Variants in CNTN3 observed in about 807,000 individuals in gnomAD.
The protein encoded by CNTN3 is contactin-3.
A neutral mutation model predicts 119.1 loss-of-function variants in CNTN3; 60 were observed. That is an observed-to-expected ratio of 0.50 (90% CI 0.41 to 0.62). CNTN3 has a LOEUF of 0.62. Ranked by LOEUF, CNTN3 falls within the 20% of genes least tolerant of loss-of-function variation. The pLI, the probability that CNTN3 is intolerant of heterozygous loss-of-function variation, is 0.00. For synonymous variants in CNTN3, 450 were observed against 438.7 expected (o/e 1.03, Z -0.32); for missense variants, 1,101 against 1,242.4 (o/e 0.89, Z 1.71).
At chr3:74,604,703 G>A (rs1350533016) in intron 1 of CNTN3, among the ~76,000 whole-genome samples, 1 of 152,044 alleles carries the variant, frequency 6.6e-6, no homozygotes, top group East Asian at 1.9e-4. Flanking sequence ...CTGACAGAGG[G>A]AATGTCAATT....
At chr3:74,511,938 G>T (rs1220178277) in intron 2 of CNTN3, among the ~76,000 whole-genome samples, 1 of 152,106 alleles carries the variant, frequency 6.6e-6, no homozygotes, top group Admixed American at 6.6e-5. Flanking sequence ...AGGAGGAACA[G>T]TGACTCTGGA....
chr3:74,430,204 G>T (rs1701760436), intron 4 of CNTN3, among the ~76,000 whole-genome samples: 1 of 152,124 alleles, frequency 6.6e-6, no homozygotes, highest in Admixed American at 6.5e-5. Context: ...AGTTCGCAGA[G>T]TTTTATGTCT....
Position 74,361,889 on chromosome 3 carries a change from C to T in CNTN3, c.1364+1G>A, listed in dbSNP as rs1449654506. Reference sequence around the variant, plus strand: ...GACCACTTTTCTGGACATCAAAATACCTTTCATGCTCCTGCACGCTCACAT... The same window carrying T: ...GACCACTTTTCTGGACATCAAAATATCTTTCATGCTCCTGCACGCTCACAT... On this transcript the variant is annotated splice_donor_variant, in intron 11 of 22. Coordinates refer to ENST00000263665, the MANE Select transcript of CNTN3 (RefSeq NM_020872.3). LOFTEE classifies it high-confidence loss of function. 6.2e-7 allele frequency: 1 copy of T among 1,603,460 alleles called. No individual in the cohort carries two copies. Among genetic ancestry groups the T allele is most frequent in the African/African-American group, 1.3e-5 (1 of 74,494 alleles).
At chr3:74,343,785 C>A (rs1703607224) in intron 11 of CNTN3, among the ~76,000 whole-genome samples, 1 of 152,180 alleles carries the variant, frequency 6.6e-6, no homozygotes, top group Non-Finnish European at 1.5e-5. Context: ...CACTGCCGGG[C>A]CCACCATCAG....
intron 2 of CNTN3, among the ~76,000 whole-genome samples, chr3:74,513,578 C>T (rs545466865): frequency 6.6e-6 from 1 of 152,056 alleles, no homozygotes; most frequent in South Asian, 2.1e-4. Flanking sequence ...TTTCACACCC[C>T]CATAACTAGC....
At chr3:74,592,511 A>G (rs1268479225) in intron 1 of CNTN3, among the ~76,000 whole-genome samples, 1 of 151,774 alleles carries the variant, frequency 6.6e-6, no homozygotes, top group Non-Finnish European at 1.5e-5. Flanking sequence ...ACAGTATCCA[A>G]CGATTCTTAC....
chr3:74,422,367 C>T (rs1323254645), intron 5 of CNTN3, among the ~76,000 whole-genome samples: 1 of 152,164 alleles, frequency 6.6e-6, no homozygotes, highest in East Asian at 1.9e-4. Flanking sequence ...AAGATTTCTT[C>T]CCGTCTTCAC....
chr3:74,409,672 G>T, intron 5 of CNTN3, among the ~76,000 whole-genome samples: 1 of 151,910 alleles, frequency 6.6e-6, no homozygotes, highest in Non-Finnish European at 1.5e-5. Context: ...CATATTTTTT[G>T]TTTTAACTTT....
At chr3:74,300,004 A>G in intron 16 of CNTN3, 66 bp from the exon 17 acceptor site, 1 of 1,025,990 alleles carries the variant, frequency 9.7e-7, no homozygotes, top group South Asian at 2.0e-5. Flanking sequence ...CTAAAAGATA[A>G]TGCAATGTTT....
chr3:74,424,236 T>C (rs1018964648), intron 5 of CNTN3, among the ~76,000 whole-genome samples: 3 of 152,068 alleles, frequency 2.0e-5, no homozygotes, highest in Non-Finnish European at 2.9e-5. Flanking sequence ...TATTTTCATA[T>C]GTGCTGAAGT....
chr3:74,503,653 C>T (rs542835369), intron 2 of CNTN3, among the ~76,000 whole-genome samples: 2 of 152,284 alleles, frequency 1.3e-5, no homozygotes, highest in South Asian at 4.1e-4. Context: ...AGAGCCTTGA[C>T]TATTCACACA....
At chr3:74,487,142 C>T (rs565915525) in intron 3 of CNTN3, among the ~76,000 whole-genome samples, 3 of 152,248 alleles carry the variant, frequency 2.0e-5, no homozygotes, top group Admixed American at 1.3e-4. Context: ...TAAGCCATTA[C>T]AGTGCTATTT....
At chr3:74,551,926 G>A (rs534778781) in intron 1 of CNTN3, among the ~76,000 whole-genome samples, 31 of 151,414 alleles carry the variant, frequency 2.0e-4, no homozygotes, top group Admixed American at 3.3e-4. Context: ...ACCACACCCC[G>A]GTAATTTTTG....
rs1701628863 is a variant in CNTN3, at chr3:74,264,387, A to G, written c.*14T>C. ...CCAAATAACTTTCCAATAAATAATAAAAAGGAGTTAATATCACCACAGGAC... is the reference window on the plus strand; with the variant it reads ...CCAAATAACTTTCCAATAAATAATAGAAAGGAGTTAATATCACCACAGGAC... On this transcript the variant is annotated 3_prime_UTR_variant, in exon 23 of 23. Transcript: ENST00000263665. The G allele has an allele frequency of 7.3e-7, 1 of 1,379,076 alleles. No individual in the cohort carries two copies. The highest frequency in any genetic ancestry group is 1.5e-5 in the African/African-American group (1 of 67,584). 85.4% of individuals were successfully genotyped at this position (1,379,076 alleles called of 1,614,324 possible). A position where few individuals can be genotyped will look rare whatever the true frequency, so the allele number is the denominator to read the frequency against.
chr3:74,482,165 A>T (rs2107030372), intron 4 of CNTN3, among the ~76,000 whole-genome samples: 1 of 152,150 alleles, frequency 6.6e-6, no homozygotes, highest in Admixed American at 6.6e-5. Flanking sequence ...AATAACTTTG[A>T]AAGTAAAGCC....
chr3:74,378,998 C>T (rs1231626908), intron 5 of CNTN3, among the ~76,000 whole-genome samples: 3 of 152,134 alleles, frequency 2.0e-5, no homozygotes, highest in Non-Finnish European at 4.4e-5. Context: ...GCTATTTCTA[C>T]TAGGTAACAG....
At chr3:74,514,136 T>C (rs556940372) in intron 2 of CNTN3, among the ~76,000 whole-genome samples, 1 of 152,214 alleles carries the variant, frequency 6.6e-6, no homozygotes, top group African/African-American at 2.4e-5. Context: ...ATTTCAGCCT[T>C]AACCGTCTAA....
chr3:74,566,111 C>T (rs748522593), intron 1 of CNTN3, among the ~76,000 whole-genome samples: 5 of 152,104 alleles, frequency 3.3e-5, no homozygotes, highest in Admixed American at 1.3e-4. Context: ...TTATAAACTA[C>T]CCAGGCTCAG....
At position 74,417,830 on chromosome 3, in the gene CNTN3, T is replaced by C. The variant is rs75905289; in HGVS notation, c.454+7015A>G. 5.5e-3 allele frequency among the ~76,000 whole-genome samples: 839 copies of C among 152,350 alleles called. 26 individuals are homozygous for C. The East Asian group carries it at 0.059, about 11-fold the overall frequency. ...TGAATCTGTTAATATTCTGAACTCC[T>C]GAAAATGTCAATAGTCACATCAGTA... On this transcript the variant is annotated intron_variant, in intron 5 of 22. Coordinates refer to ENST00000263665, the MANE Select transcript of CNTN3 (RefSeq NM_020872.3).
Sources: gnomAD v4.1 joint callset for allele counts (sites outside exome capture counted in the v4.1 genomes callset) on GRCh38, gnomAD v4.1.1 for gene constraint, MANE v1.5 for transcripts, NCBI Gene and HGNC (gene_info 2026-07-23, HGNC 2026-07-21) for gene names.